The following ARFGEF3 variants were observed in gnomAD, a reference collection of about 807,000 sequenced individuals.
ARFGEF3 encodes the protein brefeldin A-inhibited guanine nucleotide-exchange protein 3.
ARFGEF3 carries 96 observed loss-of-function variants against 221.7 expected under a neutral mutation model. The observed-to-expected ratio is 0.43, with a 90% CI of 0.37 to 0.51. The LOEUF is 0.51. Ranked by LOEUF, ARFGEF3 falls within the 20% of genes least tolerant of loss-of-function variation. The pLI is 0.00. For synonymous variants in ARFGEF3, 1,145 were observed against 1,126.8 expected, an observed-to-expected ratio of 1.02 and a Z score of -0.32; for missense variants, 2,410 against 2,789.9, an observed-to-expected ratio of 0.86 and a Z score of 3.07.
Position 138,227,943 on chromosome 6 carries a change from T to C in ARFGEF3, c.352-1841T>C, listed in dbSNP as rs9494971. ...AGAGGAGGAGCCAAGGACAGGGCTT[T>C]TCAGCCATGGGACCACCACTGTGTA... On this transcript the variant is annotated intron_variant, in intron 4 of 33. Coordinates refer to ENST00000251691, the MANE Select transcript of ARFGEF3 (RefSeq NM_020340.5). Among the ~76,000 whole-genome samples, 935 of 152,250 alleles carry C rather than the reference T, an allele frequency of 6.1e-3. 10 individuals are homozygous for C. Among genetic ancestry groups the C allele is most frequent in the African/African-American group, 0.021 (881 of 41,550 alleles).
chr6:138,256,521 A>G (rs1009741149), intron 10 of ARFGEF3, among the ~76,000 whole-genome samples: 1 of 152,220 alleles, frequency 6.6e-6, no homozygotes, highest in Non-Finnish European at 1.5e-5. Flanking sequence ...ATTTTAAGCA[A>G]TCATTGCTGC....
In ARFGEF3 at chr6:138,339,692, C is replaced by A. The variant is rs547624782; in HGVS notation, c.*3206C>A. ...TTCTCTCTGTCATTAATGAGGACAT[C>A]GGTTTTCACAATTGAACCTCATGCA... On this transcript the variant is annotated 3_prime_UTR_variant, in exon 34 of 34. Coordinates refer to ENST00000251691, the MANE Select transcript of ARFGEF3 (RefSeq NM_020340.5). 6.6e-6 allele frequency: 1 copy of A among 152,164 alleles called. No individual in the cohort carries two copies. Among genetic ancestry groups the A allele is most frequent in the Non-Finnish European group, 1.5e-5 (1 of 68,046 alleles). 9.4% of individuals were successfully genotyped at this position (152,164 alleles called of 1,614,324 possible).
At chr6:138,221,506 T>C (rs1777982045) in intron 4 of ARFGEF3, among the ~76,000 whole-genome samples, 1 of 152,200 alleles carries the variant, frequency 6.6e-6, no homozygotes, top group Non-Finnish European at 1.5e-5. Context: ...GATTACAACC[T>C]GGGGAAAATG....
intron 29 of ARFGEF3, 32 bp from the exon 30 acceptor site, chr6:138,323,639 A>C: frequency 6.3e-7 from 1 of 1,596,920 alleles, no homozygotes; most frequent in Non-Finnish European, 8.6e-7. Flanking sequence ...CAACAACAAA[A>C]AAAAAACTCC....
chr6:138,268,194 CATT>C (rs1423494926), intron 12 of ARFGEF3, among the ~76,000 whole-genome samples: 2 of 152,194 alleles, frequency 1.3e-5, no homozygotes, highest in Non-Finnish European at 2.9e-5. Flanking sequence ...AAAGAGAAAA[CATT>C]ATGCTCCACT....
chr6:138,231,765 CCTG>C (rs1351473614), intron 5 of ARFGEF3, among the ~76,000 whole-genome samples: 2 of 152,138 alleles, frequency 1.3e-5, no homozygotes, highest in Non-Finnish European at 2.9e-5. Context: ...TATCCTGAAA[CCTG>C]CTGATCAGGA....
At chr6:138,243,934 G>A (rs1487454189) in intron 7 of ARFGEF3, among the ~76,000 whole-genome samples, 1 of 152,166 alleles carries the variant, frequency 6.6e-6, no homozygotes, top group Non-Finnish European at 1.5e-5. Context: ...TGCTCTCAGT[G>A]ACGTGCGCTA....
chr6:138,337,811 G>A lies in ARFGEF3; in HGVS notation c.*1325G>A, dbSNP rs1047712063. ...TTTATATTTCTTACATTATCCTAAT[G>A]ATTGAAAACTCCTCAATCAAGCTTA... On this transcript the variant is annotated 3_prime_UTR_variant, in exon 34 of 34. Coordinates refer to ENST00000251691, the MANE Select transcript of ARFGEF3 (RefSeq NM_020340.5). The A allele has an allele frequency of 6.6e-6, 1 of 152,002 alleles. No individual in the cohort carries two copies. Among genetic ancestry groups the A allele is most frequent in the East Asian group, 1.9e-4 (1 of 5,190 alleles). The allele number at this position is 152,002 out of a possible 1,614,324, so 9.4% of individuals were successfully genotyped here.
chr6:138,174,060 G>GT lies in ARFGEF3; in HGVS notation c.137+3354dup, dbSNP rs1224440109. On this transcript the variant is annotated intron_variant, in intron 2 of 33. Coordinates refer to ENST00000251691, the MANE Select transcript of ARFGEF3 (RefSeq NM_020340.5). ...AGATGTGAGCCTTGCATTCAAAGGT[G>GT]TTTTTTTAAAAACAATTTGGAAGGA... Among the ~76,000 whole-genome samples, 5 of 152,160 alleles carry GT rather than the reference G, an allele frequency of 3.3e-5. No homozygotes were observed. In the East Asian group the frequency reaches 7.7e-4, roughly 23 times the overall value.
Position 138,291,652 on chromosome 6 carries a change from CTT to C in ARFGEF3, c.3048-79_3048-78del, listed in dbSNP as rs1779405457. 6 of 1,047,894 alleles carry C rather than the reference CTT, an allele frequency of 5.7e-6. No homozygotes were observed. The allele number at this position is 1,047,894 out of a possible 1,614,324, so 64.9% of individuals were successfully genotyped here. ...GAGCTTGCAGAGCTGGCTGCATTTC[CTT>C]TGTCTGGCACTGTGGGGTTTATGGA... is the stretch of plus-strand genomic sequence containing the variant. On this transcript the variant is annotated intron_variant, in intron 18 of 33. Transcript: ENST00000251691. This position sits in a 1 kb window ranked among gnomAD's most constrained non-coding sequence, Gnocchi z 4.5.
At chr6:138,186,874 T>C (rs1777194868) in intron 2 of ARFGEF3, among the ~76,000 whole-genome samples, 1 of 145,322 alleles carries the variant, frequency 6.9e-6, no homozygotes, top group Non-Finnish European at 1.5e-5. Flanking sequence ...ACATATCTCC[T>C]CCACGAGTTA....
chr6:138,324,641 A>G (rs1207491595), intron 31 of ARFGEF3, among the ~76,000 whole-genome samples: 1 of 152,202 alleles, frequency 6.6e-6, no homozygotes, highest in Non-Finnish European at 1.5e-5. Flanking sequence ...TCATATACCA[A>G]TGGCTTTTCC....
At chr6:138,222,347 G>T (rs1583019786) in intron 4 of ARFGEF3, among the ~76,000 whole-genome samples, 1 of 152,222 alleles carries the variant, frequency 6.6e-6, no homozygotes, top group African/African-American at 2.4e-5. Context: ...GCCTACATGT[G>T]CCCCGTGGGC....
Position 138,286,033 on chromosome 6 carries a change from T to C in ARFGEF3, c.2549T>C (p.Ile850Thr), listed in dbSNP as rs376601363. 9 of 1,605,220 alleles carry C rather than the reference T, an allele frequency of 5.6e-6. No homozygotes were observed. Among genetic ancestry groups the C allele is most frequent in the South Asian group, 4.4e-5 (4 of 91,050 alleles). ...TESPFAQSRR[I>T]DDSTVAGVAF... ...TCTCCTTTCGCCCAGAGCAGGAGAA[T>C]TGATGACTCCACAGTGGCAGGTAAT... Residue 850 changes from isoleucine to threonine, a missense_variant, in exon 15 of 34, where the codon ATT (isoleucine) becomes ACT (threonine). This residue lies in a region of ARFGEF3 where 594 missense variants were observed against 734.3 expected (regional missense o/e 0.81). Coordinates refer to ENST00000251691, the MANE Select transcript of ARFGEF3 (RefSeq NM_020340.5).
intron 14 of ARFGEF3, among the ~76,000 whole-genome samples, chr6:138,283,346 G>A (rs186404695): frequency 3.6e-4 from 55 of 152,306 alleles, no homozygotes; most frequent in African/African-American, 1.3e-3. Flanking sequence ...CAGACTATTC[G>A]CAGTTCCCAT....
At chr6:138,225,629 A>C (rs77571076) in intron 4 of ARFGEF3, among the ~76,000 whole-genome samples, 56 of 152,346 alleles carry the variant, frequency 3.7e-4, no homozygotes, top group Admixed American at 1.7e-3. Context: ...TTAGAACCTT[A>C]GTGAATAATG....
chr6:138,183,789 G>A (rs76006964), intron 2 of ARFGEF3, among the ~76,000 whole-genome samples: 2,414 of 152,264 alleles, frequency 0.016, 32 homozygotes, highest in Middle Eastern at 0.058. Flanking sequence ...GTCAGTTTCC[G>A]TAAATGGAGA....
intron 2 of ARFGEF3, among the ~76,000 whole-genome samples, chr6:138,201,619 T>G (rs139197275): frequency 4.6e-5 from 7 of 152,198 alleles, no homozygotes; most frequent in African/African-American, 1.7e-4. Context: ...AGCTAAGCTA[T>G]GAAGACGCAA....
At chr6:138,305,612 CAAAA>C (rs565498235) in intron 22 of ARFGEF3, among the ~76,000 whole-genome samples, 6 of 63,082 alleles carry the variant, frequency 9.5e-5, no homozygotes, top group Middle Eastern at 0.011. Flanking sequence ...GACCCTGTCT[CAAAA>C]AAAAAAAAAA....
Sources: gnomAD v4.1 joint callset for allele counts (sites outside exome capture counted in the v4.1 genomes callset) on GRCh38, gnomAD v4.1.1 for gene constraint, gnomAD v4.1.1 regional missense constraint, Gnocchi (gnomAD v3.1) non-coding constraint, MANE v1.5 for transcripts, NCBI Gene and HGNC (gene_info 2026-07-23, HGNC 2026-07-21) for gene names.